The following DOCK2 variants were observed in gnomAD, a reference collection of about 807,000 sequenced individuals.
DOCK2 encodes the protein dedicator of cytokinesis protein 2.
DOCK2 carries 87 observed loss-of-function variants against 248.9 expected under a neutral mutation model. That is an observed-to-expected ratio of 0.35 (90% CI 0.29 to 0.42). The LOEUF (loss-of-function observed/expected upper bound fraction) is 0.42. Among genes scored for constraint, DOCK2 ranks in the 10% least tolerant of loss-of-function variants. DOCK2 has a pLI of 1.00. For synonymous variants in DOCK2, 805 were observed against 821.6 expected, an observed-to-expected ratio of 0.98 and a Z score of 0.35; for missense variants, 1,747 against 2,300.2, an observed-to-expected ratio of 0.76 and a Z score of 4.92.
chr5:169,726,520 A>G (rs1484634844), intron 22 of DOCK2, among the ~76,000 whole-genome samples: 1 of 152,020 alleles, frequency 6.6e-6, no homozygotes. Context: ...ATTAGATCCC[A>G]TTTGTCTATT....
chr5:169,847,946 A>T (rs1007105374), intron 27 of DOCK2, among the ~76,000 whole-genome samples: 1 of 152,200 alleles, frequency 6.6e-6, no homozygotes, highest in Admixed American at 6.5e-5. Flanking sequence ...TCTTGCACAT[A>T]TTCTTGCTTC....
intron 22 of DOCK2, among the ~76,000 whole-genome samples, chr5:169,723,045 A>G (rs1762291936): frequency 6.6e-6 from 1 of 152,200 alleles, no homozygotes; most frequent in African/African-American, 2.4e-5. Context: ...CCCTCTGGCC[A>G]GAGCAGCTGT....
intron 29 of DOCK2, among the ~76,000 whole-genome samples, chr5:169,990,135 G>A (rs1391369369): frequency 1.3e-5 from 2 of 151,406 alleles, no homozygotes; most frequent in Non-Finnish European, 2.9e-5. Flanking sequence ...GTCTCACTCT[G>A]TCGCCCAGGC....
intron 44 of DOCK2, among the ~76,000 whole-genome samples, chr5:170,060,164 G>T (rs1398645114): frequency 1.3e-5 from 2 of 152,114 alleles, no homozygotes; most frequent in African/African-American, 4.8e-5. Flanking sequence ...TTTTGTTCTT[G>T]TTCTTGGCCC....
At chr5:169,865,284 G>A (rs1259817119) in intron 27 of DOCK2, among the ~76,000 whole-genome samples, 1 of 152,204 alleles carries the variant, frequency 6.6e-6, no homozygotes, top group Non-Finnish European at 1.5e-5. Flanking sequence ...GGAGGTAAAA[G>A]TGAACCTGTC....
At chr5:169,991,452 T>G (rs895622393) in intron 29 of DOCK2, among the ~76,000 whole-genome samples, 1 of 152,264 alleles carries the variant, frequency 6.6e-6, no homozygotes, top group African/African-American at 2.4e-5. Context: ...TGGAATCATC[T>G]GCCCATGGCT....
At chr5:170,077,990 C>T (rs554420763) in intron 48 of DOCK2, among the ~76,000 whole-genome samples, 153 bp downstream of exon 48, 2 of 152,244 alleles carry the variant, frequency 1.3e-5, no homozygotes, top group African/African-American at 4.8e-5. Context: ...CACAACTACC[C>T]CAGGAGGCTC....
intron 27 of DOCK2, among the ~76,000 whole-genome samples, chr5:169,863,958 T>C (rs1399399548): frequency 6.6e-6 from 1 of 152,080 alleles, no homozygotes; most frequent in Non-Finnish European, 1.5e-5. Flanking sequence ...GAAGGTGTAG[T>C]GTGGGGTTTT....
At chr5:169,652,230 G>T (rs1230315822) in intron 1 of DOCK2, among the ~76,000 whole-genome samples, 1 of 152,204 alleles carries the variant, frequency 6.6e-6, no homozygotes, top group Non-Finnish European at 1.5e-5. Context: ...CCAGGGCAGG[G>T]TGCAAGCCTT....
At chr5:169,747,530 A>G (rs971418082) in intron 23 of DOCK2, 26 bp downstream of exon 23, 14 of 1,582,458 alleles carry the variant, frequency 8.8e-6, no homozygotes, top group African/African-American at 2.7e-5. Context: ...AATAAAATCT[A>G]TCTTCTCCTT....
At chr5:169,756,493 A>G (rs1764201386) in intron 23 of DOCK2, among the ~76,000 whole-genome samples, 2 of 152,236 alleles carry the variant, frequency 1.3e-5, no homozygotes, top group South Asian at 4.1e-4. Context: ...GAAACTCAGC[A>G]CACACCATCA....
At chr5:169,653,505 A>G (rs264835) in intron 1 of DOCK2, among the ~76,000 whole-genome samples, 88,257 of 151,730 alleles carry the variant, frequency 0.58, 25,771 homozygotes, top group Non-Finnish European at 0.6. Context: ...GGCGTCATGA[A>G]GGACTGGAGC....
intron 27 of DOCK2, among the ~76,000 whole-genome samples, chr5:169,940,591 G>A (rs919782330): frequency 1.3e-5 from 2 of 152,238 alleles, no homozygotes; most frequent in East Asian, 3.8e-4. Context: ...CTCTGAGGGT[G>A]ATGGGAAACA....
intron 28 of DOCK2, among the ~76,000 whole-genome samples, chr5:169,985,096 G>A (rs547739918): frequency 6.6e-6 from 1 of 152,168 alleles, no homozygotes; most frequent in South Asian, 2.1e-4. Flanking sequence ...TGTATTTTTA[G>A]TAGAGACCAT....
intron 26 of DOCK2, among the ~76,000 whole-genome samples, chr5:169,809,711 A>G (rs898183581): frequency 6.6e-6 from 1 of 152,186 alleles, no homozygotes; most frequent in Non-Finnish European, 1.5e-5. Flanking sequence ...TTTCAGCTTC[A>G]GTCTCTCCCA....
intron 44 of DOCK2, among the ~76,000 whole-genome samples, chr5:170,065,588 A>G (rs1221719400): frequency 6.6e-6 from 1 of 152,248 alleles, no homozygotes; most frequent in Non-Finnish European, 1.5e-5. Flanking sequence ...ACAGTTCTAC[A>G]TGGCTAGGGA....
At chr5:169,880,360 T>C (rs912545697) in intron 27 of DOCK2, among the ~76,000 whole-genome samples, 7 of 152,256 alleles carry the variant, frequency 4.6e-5, no homozygotes, top group African/African-American at 1.7e-4. Flanking sequence ...TTCAGGATTC[T>C]GCCAGAGAGA....
At chr5:169,944,507 G>C (rs1220364237) in intron 27 of DOCK2, among the ~76,000 whole-genome samples, 1 of 152,204 alleles carries the variant, frequency 6.6e-6, no homozygotes, top group African/African-American at 2.4e-5. Flanking sequence ...AGCCAGGCCT[G>C]TGCAGTGAAT....
chr5:169,741,706 TC>T (rs1179278314), intron 22 of DOCK2, among the ~76,000 whole-genome samples: 2 of 151,912 alleles, frequency 1.3e-5, no homozygotes, highest in Non-Finnish European at 1.5e-5. Context: ...CATAGCGTCA[TC>T]CCCTGGATAA....
Sources: allele counts gnomAD v4.1 joint callset (sites outside exome capture counted in the v4.1 genomes callset), GRCh38; gene constraint gnomAD v4.1.1; transcripts MANE v1.5; gene names NCBI Gene and HGNC (gene_info 2026-07-23, HGNC 2026-07-21).